CELF2: variants seen among roughly 807,000 people sequenced by gnomAD.
CELF2 encodes the protein CUG triplet repeat RNA-binding protein 2.
CELF2 carries 8 observed loss-of-function variants against 62.6 expected under a neutral mutation model. The observed-to-expected ratio is 0.13, with a 90% CI of 0.07 to 0.23. The LOEUF (loss-of-function observed/expected upper bound fraction) is 0.23, where lower values mean the gene tolerates loss of function less well. Among genes scored for constraint, CELF2 ranks in the 10% least tolerant of loss-of-function variants. CELF2 has a pLI of 1.00. For synonymous variants in CELF2, 258 were observed against 250.0 expected (o/e 1.03, Z -0.30); for missense variants, 333 against 671.0 (o/e 0.50, Z 5.56).
At chr10:10,531,989 T>C in the CELF2 span, among the ~76,000 whole-genome samples, 3 of 152,200 alleles carry the variant, frequency 2.0e-5, no homozygotes, top group African/African-American at 7.2e-5. Flanking sequence ...AGTAGAGGAT[T>C]GACTGGGTGC....
chr10:10,651,510 G>A, the CELF2 span, among the ~76,000 whole-genome samples: 1 of 121,874 alleles, frequency 8.2e-6, no homozygotes, highest in Non-Finnish European at 1.8e-5. Flanking sequence ...CTCCCAGCAC[G>A]CAGCTGGAGA....
intron 1 of CELF2, among the ~76,000 whole-genome samples, chr10:10,801,788 T>A (rs139725611): frequency 6.6e-6 from 1 of 152,200 alleles, no homozygotes; most frequent in African/African-American, 2.4e-5. Flanking sequence ...TCCTAAAAAG[T>A]CATCAAAAGG....
At chr10:10,490,138 C>T in the CELF2 span, among the ~76,000 whole-genome samples, 1 of 152,218 alleles carries the variant, frequency 6.6e-6, no homozygotes, top group African/African-American at 2.4e-5. Flanking sequence ...AACTAAAATA[C>T]CATTTGTAAC....
the CELF2 span, among the ~76,000 whole-genome samples, chr10:10,515,894 T>G: frequency 6.6e-6 from 1 of 152,190 alleles, no homozygotes; most frequent in African/African-American, 2.4e-5. Context: ...ATGGATGATG[T>G]CACTTAATTG....
chr10:10,778,597 T>A, the CELF2 span, among the ~76,000 whole-genome samples: 1 of 152,202 alleles, frequency 6.6e-6, no homozygotes, highest in East Asian at 1.9e-4. Flanking sequence ...TGAAGAGTAA[T>A]CACCTGTTTA....
chr10:11,230,236 G>A (rs533259037), intron 3 of CELF2, among the ~76,000 whole-genome samples: 1 of 152,334 alleles, frequency 6.6e-6, no homozygotes, highest in East Asian at 1.9e-4. Flanking sequence ...TAACTAGCTT[G>A]ATTGTGATCA....
At chr10:10,746,250 C>A in the CELF2 span, among the ~76,000 whole-genome samples, 2 of 152,134 alleles carry the variant, frequency 1.3e-5, no homozygotes, top group African/African-American at 2.4e-5. Flanking sequence ...GTAAAATCTG[C>A]AAAACACCGG....
At chr10:10,525,247 C>A in the CELF2 span, among the ~76,000 whole-genome samples, 1 of 152,178 alleles carries the variant, frequency 6.6e-6, no homozygotes, top group Non-Finnish European at 1.5e-5. Flanking sequence ...TCCTGCCTTA[C>A]TGAAACATTA....
intron 1 of CELF2, among the ~76,000 whole-genome samples, chr10:10,904,440 C>T (rs1296447016): frequency 2.0e-5 from 3 of 152,180 alleles, no homozygotes; most frequent in East Asian, 3.9e-4. Flanking sequence ...ATATGTTGCC[C>T]GGGCTGGTCA....
the CELF2 span, among the ~76,000 whole-genome samples, chr10:10,489,141 C>T: frequency 1.3e-5 from 2 of 152,024 alleles, no homozygotes; most frequent in Non-Finnish European, 2.9e-5. Flanking sequence ...ATTTTCACAC[C>T]AACTTCTTCA....
chr10:11,209,162 C>T (rs2399666), intron 2 of CELF2, among the ~76,000 whole-genome samples: 138,334 of 152,136 alleles, frequency 0.91, 63,952 homozygotes, highest in East Asian at 1. Flanking sequence ...CAGCATCAAA[C>T]ACAGGGGAGC....
intron 1 of CELF2, among the ~76,000 whole-genome samples, chr10:11,160,713 T>C (rs1481858462): frequency 2.0e-5 from 3 of 151,996 alleles, no homozygotes; most frequent in African/African-American, 4.8e-5. Flanking sequence ...AGATTTTCTA[T>C]CTTTACGCAC....
chr10:11,080,966 A>G (rs2073867645), intron 1 of CELF2, among the ~76,000 whole-genome samples: 1 of 152,228 alleles, frequency 6.6e-6, no homozygotes, highest in Non-Finnish European at 1.5e-5. Context: ...GGGCCCAGTG[A>G]GATGAATTAG....
the CELF2 span, among the ~76,000 whole-genome samples, chr10:10,493,982 C>T: frequency 2.6e-5 from 4 of 152,312 alleles, no homozygotes; most frequent in Non-Finnish European, 5.9e-5. Flanking sequence ...GATGTGCTGT[C>T]TCCCCGGTGA....
the CELF2 span, among the ~76,000 whole-genome samples, chr10:10,545,066 C>T: frequency 6.6e-6 from 1 of 152,132 alleles, no homozygotes; most frequent in African/African-American, 2.4e-5. Flanking sequence ...TTGATACACG[C>T]GTAGGACTGA....
chr10:10,770,441 T>A, the CELF2 span, among the ~76,000 whole-genome samples: 1 of 151,710 alleles, frequency 6.6e-6, no homozygotes, highest in South Asian at 2.1e-4. Flanking sequence ...GAGAATGAGG[T>A]TGCAGGGTAT....
chr10:10,721,991 T>C, the CELF2 span, among the ~76,000 whole-genome samples: 1 of 152,144 alleles, frequency 6.6e-6, no homozygotes, highest in Admixed American at 6.5e-5. Context: ...TTTTTAAATA[T>C]AGTAAAATGA....
chr10:11,128,350 T>A (rs1299583375), intron 1 of CELF2, among the ~76,000 whole-genome samples: 8 of 152,206 alleles, frequency 5.3e-5, no homozygotes, highest in Admixed American at 1.3e-4. Context: ...CTTAGGATTG[T>A]CTTGGCAATG....
the CELF2 span, among the ~76,000 whole-genome samples, chr10:10,495,754 C>G: frequency 6.6e-6 from 1 of 152,150 alleles, no homozygotes; most frequent in Non-Finnish European, 1.5e-5. Context: ...CCAGGGAGAC[C>G]TGGGCATTTC....
Sources: allele counts gnomAD v4.1 joint callset (sites outside exome capture counted in the v4.1 genomes callset), GRCh38; gene constraint gnomAD v4.1.1; transcripts MANE v1.5; gene names NCBI Gene and HGNC (gene_info 2026-07-23, HGNC 2026-07-21).